CARD8: variants seen among roughly 807,000 people sequenced by gnomAD.
CARD8 encodes the protein caspase recruitment domain-containing protein 8.
CARD8 carries 38 observed loss-of-function variants against 53.2 expected under a neutral mutation model. The observed-to-expected ratio is 0.71, with a 90% CI of 0.55 to 0.94. The LOEUF (loss-of-function observed/expected upper bound fraction) is 0.94. Ranked by LOEUF, CARD8 falls within the 40% of genes least tolerant of loss-of-function variation. The pLI is 0.00. For synonymous variants in CARD8, 245 were observed against 244.9 expected (o/e 1.00, Z 0.00); for missense variants, 561 against 655.5 (o/e 0.86, Z 1.57).
chr19:48,232,236 C>T (rs1191192753), intron 7 of CARD8: 18 of 604,004 alleles, frequency 3.0e-5, no homozygotes, highest in South Asian at 2.6e-4. Context: ...CTGTCCCCAG[C>T]CACCAGGACC....
intron 3 of CARD8, among the ~76,000 whole-genome samples, chr19:48,247,511 T>G (rs1287881167): frequency 6.6e-6 from 1 of 152,066 alleles, no homozygotes; most frequent in Admixed American, 6.6e-5. Context: ...AAGAAAGGCA[T>G]AGTAAACAAC....
At chr19:48,207,732 CTGTTTTTTTT>C (rs1194788071), downstream of CARD8, among the ~76,000 whole-genome samples, 43 of 91,278 alleles carry the variant, frequency 4.7e-4, 1 homozygote, top group Non-Finnish European at 7.6e-4. Context: ...TGTTGTTTTT[CTGTTTTTTTT>C]TTTTTTTTTT....
Position 48,219,155 on chromosome 19 carries a change from C to T in CARD8, c.1162-143G>A, listed in dbSNP as rs763099025. On this transcript the variant is annotated intron_variant, in intron 11 of 13. Transcript: ENST00000651546. ...TGGGAAACAGAGGGAGAGAGGTAAA[C>T]AGCTCTTTACATTTACAATGTTAGG... 4.4e-6 allele frequency: 3 copies of T among 678,734 alleles called. 1 individual carries two copies. Among genetic ancestry groups the T allele is most frequent in the Non-Finnish European group, 7.6e-6 (3 of 396,596 alleles). The allele number at this position is 678,734 out of a possible 1,614,324, so 42.0% of individuals were successfully genotyped here.
Position 48,215,337 on chromosome 19 carries a change from T to C in CARD8, c.1348+3A>G. On this transcript the variant is annotated splice_donor_region_variant and intron_variant, in intron 13 of 13. Transcript: ENST00000651546. ...TTGGCTTTAATGTAAACATTTCACT[T>C]ACCTGAGAAAGGAGGAGGGGCTGAT... 1 of 1,607,906 alleles carries C rather than the reference T, an allele frequency of 6.2e-7. No individual in the cohort carries two copies. Among genetic ancestry groups the C allele is most frequent in the Non-Finnish European group, 8.5e-7 (1 of 1,174,576 alleles).
chr19:48,206,419 G>T (rs1349751366), downstream of CARD8: 2 of 457,888 alleles, frequency 4.4e-6, no homozygotes, highest in East Asian at 7.0e-5. Flanking sequence ...CAGTCCCAAT[G>T]AGTCTGGATA....
intron 1 of CARD8, among the ~76,000 whole-genome samples, chr19:48,252,010 T>C (rs16981882): frequency 0.23 from 34,947 of 151,976 alleles, 4,145 homozygotes; most frequent in East Asian, 0.33. Context: ...TGAGAAAAAA[T>C]CAAGACTAGA....
chr19:48,242,315 C>T (rs1434045615), intron 3 of CARD8, among the ~76,000 whole-genome samples: 1 of 152,124 alleles, frequency 6.6e-6, no homozygotes, highest in Non-Finnish European at 1.5e-5. Flanking sequence ...GGAAGCAGGT[C>T]CTCTCCAGGC....
In CARD8 at chr19:48,234,471, C is replaced by G. The variant is rs1287372669; in HGVS notation, c.282G>C (p.Glu94Asp). The G allele has an allele frequency of 6.2e-7, 1 of 1,613,958 alleles. No homozygotes were observed. The highest frequency in any genetic ancestry group is 8.5e-7 in the Non-Finnish European group (1 of 1,179,876). Residue 94 changes from glutamate (E) to aspartate (D), a missense_variant, in exon 6 of 14, where the codon GAG becomes GAC. Transcript: ENST00000651546. The part of the protein sequence containing the change: ...DISHFFQEDD[E>D]TEAEPLLFRA... ...GGAACAATAATGGCTCTGCCTCTGTCTCATCATCTTCTTGGAAAAAATGTG... is the reference window on the plus strand; with the variant it reads ...GGAACAATAATGGCTCTGCCTCTGTGTCATCATCTTCTTGGAAAAAATGTG...
At chr19:48,229,986 A>G (rs112826791) in intron 10 of CARD8, among the ~76,000 whole-genome samples, 6,072 of 152,144 alleles carry the variant, frequency 0.04, 389 homozygotes, top group African/African-American at 0.13. Context: ...AGTGGCGGGC[A>G]CCTGCAATCC....
chr19:48,236,343 G>C (rs2146448142), intron 5 of CARD8, among the ~76,000 whole-genome samples: 1 of 152,104 alleles, frequency 6.6e-6, no homozygotes, highest in African/African-American at 2.4e-5. Context: ...GTCCCCAATA[G>C]CTGGGATTAC....
chr19:48,223,757 G>C, intron 10 of CARD8: 1 of 443,282 alleles, frequency 2.3e-6, no homozygotes, highest in South Asian at 1.6e-5. Context: ...ATTTGTTATA[G>C]TTCTTATCAT....
At chr19:48,214,344 G>A (rs2038726803) in intron 13 of CARD8, among the ~76,000 whole-genome samples, 1 of 152,140 alleles carries the variant, frequency 6.6e-6, no homozygotes, top group East Asian at 1.9e-4. Flanking sequence ...GGTTGCAGCC[G>A]GCACCAGGGA....
intron 5 of CARD8, among the ~76,000 whole-genome samples, chr19:48,235,845 CA>C (rs567697682): frequency 1.0e-4 from 14 of 136,984 alleles, no homozygotes; most frequent in African/African-American, 3.2e-4. Context: ...AAAAGGAAAG[CA>C]AAAAAAAAGA....
chr19:48,234,845 A>C (rs547235818), intron 5 of CARD8, among the ~76,000 whole-genome samples: 2 of 152,176 alleles, frequency 1.3e-5, no homozygotes, highest in Non-Finnish European at 2.9e-5. Context: ...TGGTTTCATA[A>C]TAGGTCAACA....
intron 3 of CARD8, among the ~76,000 whole-genome samples, chr19:48,247,289 A>G (rs1009009960): frequency 1.3e-5 from 2 of 152,208 alleles, no homozygotes; most frequent in Admixed American, 6.5e-5. Flanking sequence ...GTGCCACTGC[A>G]CTCCAGCCTG....
chr19:48,233,487 C>T, intron 6 of CARD8: 2 of 445,896 alleles, frequency 4.5e-6, no homozygotes. Flanking sequence ...GGAGAGACCC[C>T]TGGGCTGACA....
At chr19:48,233,154 C>A in intron 6 of CARD8, 1 of 355,068 alleles carries the variant, frequency 2.8e-6, no homozygotes, top group Non-Finnish European at 5.5e-6. Flanking sequence ...AAAGCATCGG[C>A]GCTTTCAAAG....
At position 48,229,783 on chromosome 19, in the gene CARD8, G is replaced by A. The variant is rs1361370494; in HGVS notation, c.1035+655C>T. On this transcript the variant is annotated intron_variant, in intron 10 of 13. Coordinates refer to ENST00000651546, the MANE Select transcript of CARD8 (RefSeq NM_001184900.3). ...GGAGGGTTACTCCAGAGATGTGAGT[G>A]TGCCTGTCAGTGTAATTCACATATT... is the stretch of plus-strand genomic sequence containing the variant. Among the ~76,000 whole-genome samples the A allele has an allele frequency of 2.0e-5, 3 of 152,328 alleles. No homozygotes were observed. The South Asian group carries it at 6.2e-4, about 32-fold the overall frequency.
At chr19:48,239,235 A>T (rs1485081220) in intron 4 of CARD8, among the ~76,000 whole-genome samples, 1 of 152,180 alleles carries the variant, frequency 6.6e-6, no homozygotes, top group African/African-American at 2.4e-5. Flanking sequence ...CCTTTCACAG[A>T]CATCACTCAG....
Sources: allele counts gnomAD v4.1 joint callset (sites outside exome capture counted in the v4.1 genomes callset), GRCh38; gene constraint gnomAD v4.1.1; transcripts MANE v1.5; gene names NCBI Gene and HGNC (gene_info 2026-07-23, HGNC 2026-07-21).